PDE11A: variants seen among roughly 807,000 people sequenced by gnomAD.
The protein encoded by PDE11A is phosphodiesterase 11A.
In PDE11A, 100 loss-of-function variants were observed where a neutral mutation model predicts 100.5. The observed-to-expected ratio is 1.00, with a 90% CI of 0.85 to 1.18. PDE11A has a LOEUF of 1.18. PDE11A is among the 50% of genes most tolerant of loss of function. The pLI, the probability that PDE11A is intolerant of heterozygous loss-of-function variation, is 0.00. For synonymous variants in PDE11A, 381 were observed against 420.8 expected, an observed-to-expected ratio of 0.91 and a Z score of 1.16; for missense variants, 1,141 against 1,152.6, an observed-to-expected ratio of 0.99 and a Z score of 0.15.
In PDE11A at chr2:177,731,496, C is replaced by A. The variant is rs571792791; in HGVS notation, c.1789-3324G>T. On this transcript the variant is annotated intron_variant, in intron 10 of 19. Coordinates refer to ENST00000286063, the MANE Select transcript of PDE11A (RefSeq NM_016953.4). ...GGGAAGCAGGTTGGAGGAGGAGTCTCAGCATTGGTTTCCTGTTCATTCAGT... is the reference window on the plus strand; with the variant it reads ...GGGAAGCAGGTTGGAGGAGGAGTCTAAGCATTGGTTTCCTGTTCATTCAGT... 3.9e-5 allele frequency among the ~76,000 whole-genome samples: 6 copies of A among 152,282 alleles called. No homozygotes were observed. The South Asian group carries it at 8.3e-4, about 21-fold the overall frequency.
chr2:178,099,881 T>C (rs936345186), intron 2 of PDE11A, among the ~76,000 whole-genome samples: 8 of 152,158 alleles, frequency 5.3e-5, no homozygotes, highest in African/African-American at 1.9e-4. Flanking sequence ...AACGGATAAA[T>C]AGATAAACAA....
intron 16 of PDE11A, among the ~76,000 whole-genome samples, chr2:177,678,206 T>C (rs994283439): frequency 2.0e-5 from 3 of 152,172 alleles, no homozygotes; most frequent in Admixed American, 6.5e-5. Context: ...TTGTTCTGAA[T>C]ATAGTCTTTA....
At chr2:177,940,524 T>C (rs928824011) in intron 2 of PDE11A, among the ~76,000 whole-genome samples, 1 of 152,246 alleles carries the variant, frequency 6.6e-6, no homozygotes. Flanking sequence ...ATGCAAGTCC[T>C]ATTTATAATA....
At chr2:177,642,535 G>A (rs2080159467) in intron 19 of PDE11A, among the ~76,000 whole-genome samples, 1 of 152,146 alleles carries the variant, frequency 6.6e-6, no homozygotes, top group Non-Finnish European at 1.5e-5. Flanking sequence ...CCAGAACTGT[G>A]GTATCCCTAG....
intron 19 of PDE11A, among the ~76,000 whole-genome samples, chr2:177,643,200 G>A (rs2365618): frequency 0.098 from 14,900 of 152,274 alleles, 911 homozygotes; most frequent in East Asian, 0.19. Flanking sequence ...TGGGTAACAG[G>A]CAGATTTTGG....
chr2:177,943,491 C>T (rs2085368864), intron 2 of PDE11A, among the ~76,000 whole-genome samples: 1 of 152,114 alleles, frequency 6.6e-6, no homozygotes, highest in Admixed American at 6.6e-5. Context: ...TGATGTTGAG[C>T]ATCTTTCCAC....
intron 19 of PDE11A, among the ~76,000 whole-genome samples, chr2:177,661,871 T>C (rs1021293458): frequency 1.3e-5 from 2 of 152,066 alleles, no homozygotes; most frequent in African/African-American, 4.8e-5. Flanking sequence ...AGAGGTGAAG[T>C]AGGGCATTAG....
intron 2 of PDE11A, among the ~76,000 whole-genome samples, chr2:177,999,750 A>C (rs1035477426): frequency 1.3e-5 from 2 of 152,204 alleles, no homozygotes; most frequent in African/African-American, 4.8e-5. Flanking sequence ...GGTGTCAATT[A>C]ATTCTTGTGA....
At chr2:177,972,968 C>T (rs2085791203) in intron 2 of PDE11A, among the ~76,000 whole-genome samples, 1 of 152,118 alleles carries the variant, frequency 6.6e-6, no homozygotes, top group African/African-American at 2.4e-5. Flanking sequence ...GAGATAGGGC[C>T]AGAGTGGATA....
intron 10 of PDE11A, among the ~76,000 whole-genome samples, chr2:177,738,992 TA>T (rs1308247413): frequency 6.6e-6 from 1 of 152,160 alleles, no homozygotes; most frequent in Non-Finnish European, 1.5e-5. Flanking sequence ...TTCTGCAGTT[TA>T]AAATGTCAAG....
intron 9 of PDE11A, among the ~76,000 whole-genome samples, chr2:177,796,828 G>T (rs996191488): frequency 6.6e-6 from 1 of 152,128 alleles, no homozygotes; most frequent in African/African-American, 2.4e-5. Flanking sequence ...CGCACACTGT[G>T]GGGTAACTGA....
chr2:177,666,591 T>G (rs1399962321), intron 18 of PDE11A, among the ~76,000 whole-genome samples: 2 of 152,220 alleles, frequency 1.3e-5, no homozygotes, highest in African/African-American at 4.8e-5. Flanking sequence ...TATAGCTATC[T>G]TAGTGGCTGT....
rs1162408746 is a variant in PDE11A at position 178,072,559 on chromosome 2, C to T, written c.-122G>A. The T allele has an allele frequency of 4.5e-6, 7 of 1,539,886 alleles. No homozygotes were observed. Among genetic ancestry groups the T allele is most frequent in the East Asian group, 2.4e-5 (1 of 41,186 alleles). Reference sequence around the variant, plus strand: ...TATTCCCAGTTCAGCGCCACCTCCCCTGGAGATTATTCCCAGCAGTGGAAT... The same window carrying T: ...TATTCCCAGTTCAGCGCCACCTCCCTTGGAGATTATTCCCAGCAGTGGAAT... On this transcript the variant is annotated 5_prime_UTR_variant, in exon 1 of 20. Coordinates refer to ENST00000286063, the MANE Select transcript of PDE11A (RefSeq NM_016953.4).
At chr2:177,937,075 T>C (rs1473293485) in intron 2 of PDE11A, among the ~76,000 whole-genome samples, 1 of 152,170 alleles carries the variant, frequency 6.6e-6, no homozygotes, top group Non-Finnish European at 1.5e-5. Context: ...GAGGCATCTC[T>C]TTACACATTT....
At chr2:177,861,153 C>T (rs4417752) in intron 5 of PDE11A, among the ~76,000 whole-genome samples, 4 of 151,334 alleles carry the variant, frequency 2.6e-5, no homozygotes, top group African/African-American at 9.7e-5. Flanking sequence ...TAAAATTATC[C>T]CTATTTGCAG....
Position 177,817,970 on chromosome 2 carries a change from A to T in PDE11A, c.1577-45T>A, listed in dbSNP as rs1574174233. 4.5e-6 allele frequency: 4 copies of T among 894,370 alleles called. 1 individual carries two copies. In the South Asian group the frequency reaches 5.2e-5, roughly 12 times the overall value. The allele number at this position is 894,370 out of a possible 1,614,324, so 55.4% of individuals were successfully genotyped here. On this transcript the variant is annotated intron_variant, in intron 7 of 19. Transcript: ENST00000286063. ...TATGTGGTCATTTTTAGTACTGGAC[A>T]TTGTGTTTCTCTAATAGAGTAGCCA...
At chr2:177,761,185 C>T (rs562653379) in intron 10 of PDE11A, among the ~76,000 whole-genome samples, 2 of 152,216 alleles carry the variant, frequency 1.3e-5, no homozygotes, top group South Asian at 2.1e-4. Context: ...CATTACAGCA[C>T]ACTCCAAAGA....
intron 10 of PDE11A, among the ~76,000 whole-genome samples, chr2:177,755,092 A>T (rs763349304): frequency 6.6e-6 from 1 of 152,184 alleles, no homozygotes; most frequent in African/African-American, 2.4e-5. Context: ...CAAGAGAAAG[A>T]GGCTGATCTG....
intron 1 of PDE11A, among the ~76,000 whole-genome samples, chr2:178,026,765 T>C (rs2086484075): frequency 6.6e-6 from 1 of 152,172 alleles, no homozygotes; most frequent in Non-Finnish European, 1.5e-5. Flanking sequence ...AAAATGTCTA[T>C]AGAAATAAGT....
Sources: gnomAD v4.1 joint callset for allele counts (sites outside exome capture counted in the v4.1 genomes callset) on GRCh38, gnomAD v4.1.1 for gene constraint, MANE v1.5 for transcripts, NCBI Gene and HGNC (gene_info 2026-07-23, HGNC 2026-07-21) for gene names.